Variants in RB1 observed in about 807,000 individuals in gnomAD.
RB1 encodes retinoblastoma-associated protein.
Under a neutral mutation model 135.4 loss-of-function variants are expected in RB1, and 18 were observed. The ratio of observed to expected loss-of-function variants is 0.13; its 90% confidence interval spans 0.09 to 0.20. The LOEUF is 0.20. Ranked by LOEUF, RB1 falls within the 10% of genes least tolerant of loss-of-function variation. The pLI is 1.00. For synonymous variants in RB1, 365 were observed against 373.2 expected (o/e 0.98, Z 0.25); for missense variants, 868 against 1,110.0 (o/e 0.78, Z 3.10).
At chr13:48,459,959 C>CTTTCTTTCTTTCTTTCTTTTTTTTTT (rs1949392235) in intron 20 of RB1, 126 bp downstream of exon 20, 1 of 456,568 alleles carries the variant, frequency 2.2e-6, no homozygotes, top group African/African-American at 3.9e-5. Context: ...CTTTTTCTTT[C>CTTTCTTTCTTTCTTTCTTTTTTTTTT]TTTCTTTCTC....
intron 17 of RB1, chr13:48,389,875 C>G (rs1247954182): frequency 6.6e-6 from 1 of 152,320 alleles, no homozygotes; most frequent in East Asian, 1.9e-4. Context: ...GGATATTTGG[C>G]AGGGTGCAGT....
chr13:48,375,178 G>A (rs1413738495), intron 12 of RB1, among the ~76,000 whole-genome samples: 2 of 152,062 alleles, frequency 1.3e-5, no homozygotes, highest in Admixed American at 1.3e-4. Context: ...GTGAACATAT[G>A]AGTGCATGTG....
At chr13:48,331,594 CAG>C (rs1460904280) in intron 2 of RB1, among the ~76,000 whole-genome samples, 2 of 152,126 alleles carry the variant, frequency 1.3e-5, no homozygotes, top group Non-Finnish European at 2.9e-5. Flanking sequence ...CAGAAGATAA[CAG>C]ATGTTAGAGA....
At position 48,464,958 on chromosome 13, in the gene RB1, C is replaced by CTTTTTT. The variant is rs553094345; in HGVS notation, c.2212-21_2212-16dup. ...AAATTCATTTAACAAGTAAATTTTA[C>CTTTTTT]TTTTTTTTTTTTTTTTTTTTTTTTA... On this transcript the variant is annotated intron_variant, in intron 21 of 26. Transcript: ENST00000267163. The CTTTTTT allele has an allele frequency of 5.9e-5, 49 of 832,570 alleles. 1 individual carries two copies. The highest frequency in any genetic ancestry group is 2.1e-4 in the East Asian group (4 of 19,000). 51.6% of individuals were successfully genotyped at this position (832,570 alleles called of 1,614,324 possible).
At chr13:48,398,762 A>G (rs1948667374) in intron 17 of RB1, among the ~76,000 whole-genome samples, 1 of 152,084 alleles carries the variant, frequency 6.6e-6, no homozygotes, top group Non-Finnish European at 1.5e-5. Flanking sequence ...ATATATAGTC[A>G]GGCATATGGG....
At chr13:48,422,551 G>A (rs1446617236) in intron 17 of RB1, 1 of 151,960 alleles carries the variant, frequency 6.6e-6, no homozygotes, top group African/African-American at 2.4e-5. Context: ...CTTTTTTTAG[G>A]ACTGTTGCCA....
Position 48,480,467 on chromosome 13 carries a change from A to G in RB1, c.*396A>G, listed in dbSNP as rs1949532016. The G allele has an allele frequency of 4.2e-6, 1 of 238,064 alleles. No individual in the cohort carries two copies. Among genetic ancestry groups the G allele is most frequent in the Non-Finnish European group, 8.3e-6 (1 of 120,780 alleles). The allele number at this position is 238,064 out of a possible 1,614,324, so 14.7% of individuals were successfully genotyped here. Reference sequence around the variant, plus strand: ...TTTGCTCTTGTTTTTATTAATTTATATGTATATTTTTTTAATTTAACATGA... The same window carrying G: ...TTTGCTCTTGTTTTTATTAATTTATGTGTATATTTTTTTAATTTAACATGA... On this transcript the variant is annotated 3_prime_UTR_variant, in exon 27 of 27. Coordinates refer to ENST00000267163, the MANE Select transcript of RB1 (RefSeq NM_000321.3).
At chr13:48,430,569 G>A (rs537350050) in intron 17 of RB1, among the ~76,000 whole-genome samples, 5 of 152,062 alleles carry the variant, frequency 3.3e-5, no homozygotes, top group African/African-American at 1.2e-4. Flanking sequence ...GTGAAACCCC[G>A]TCTCTACTAA....
rs1952049328 is a variant in RB1 at position 48,303,765 on chromosome 13, G to T, written c.-148G>T. The T allele has an allele frequency of 4.0e-6, 5 of 1,249,464 alleles. No individual in the cohort carries two copies. The highest frequency in any genetic ancestry group is 5.3e-6 in the Non-Finnish European group (5 of 935,742). The allele number at this position is 1,249,464 out of a possible 1,614,324, so 77.4% of individuals were successfully genotyped here. ...ACGCGGCGCTCAGTTGCCGGGCGGG[G>T]GAGGGCGCGTCCGGTTTTTCTCAGG... On this transcript the variant is annotated 5_prime_UTR_variant, in exon 1 of 27. Coordinates refer to ENST00000267163, the MANE Select transcript of RB1 (RefSeq NM_000321.3).
At chr13:48,461,919 G>A (rs995990376) in intron 20 of RB1, among the ~76,000 whole-genome samples, 4 of 151,700 alleles carry the variant, frequency 2.6e-5, no homozygotes, top group Admixed American at 6.6e-5. Context: ...GGCAATCTTC[G>A]CCTTCTGGGT....
intron 17 of RB1, among the ~76,000 whole-genome samples, chr13:48,386,240 C>G (rs1948570856): frequency 6.6e-6 from 1 of 152,268 alleles, no homozygotes; most frequent in South Asian, 2.1e-4. Context: ...GGAAATACTT[C>G]ATTTAGGCAA....
chr13:48,332,939 T>A, intron 2 of RB1: 1 of 397,614 alleles, frequency 2.5e-6, no homozygotes, highest in Non-Finnish European at 4.4e-6. Context: ...TTAGTAACAA[T>A]GACTAAGAAA....
intron 17 of RB1, among the ~76,000 whole-genome samples, chr13:48,418,875 C>T (rs763588087): frequency 2.6e-5 from 4 of 152,110 alleles, no homozygotes; most frequent in Non-Finnish European, 5.9e-5. Flanking sequence ...CAGGAGCACC[C>T]AGATTCATAA....
intron 23 of RB1, among the ~76,000 whole-genome samples, chr13:48,472,150 T>C (rs191282791): frequency 4.3e-4 from 65 of 152,310 alleles, no homozygotes; most frequent in African/African-American, 1.6e-3. Context: ...TTAGCTAGTA[T>C]AGTTAATGTA....
intron 17 of RB1, among the ~76,000 whole-genome samples, chr13:48,418,486 C>T (rs527863502): frequency 1.3e-5 from 2 of 152,200 alleles, no homozygotes; most frequent in East Asian, 3.9e-4. Context: ...AACTAATGGG[C>T]AAACTAACTG....
At chr13:48,366,466 C>T (rs1346203462) in intron 9 of RB1, among the ~76,000 whole-genome samples, 2 of 152,104 alleles carry the variant, frequency 1.3e-5, no homozygotes, top group Admixed American at 6.5e-5. Flanking sequence ...TCCTATCACT[C>T]CTTTTAAAAT....
chr13:48,317,685 C>G, intron 2 of RB1: 2 of 540,220 alleles, frequency 3.7e-6, no homozygotes, highest in Non-Finnish European at 5.6e-6. Flanking sequence ...TGGGCGGTGC[C>G]GGATCCCCTT....
chr13:48,384,683 GCTTA>G (rs140426611), intron 17 of RB1, among the ~76,000 whole-genome samples: 1,641 of 152,210 alleles, frequency 0.011, 29 homozygotes, highest in African/African-American at 0.037. Context: ...ATGAGGTGCT[GCTTA>G]CTTCTCTCCT....
chr13:48,423,831 G>A (rs993156038), intron 17 of RB1, among the ~76,000 whole-genome samples: 1 of 152,180 alleles, frequency 6.6e-6, no homozygotes, highest in Non-Finnish European at 1.5e-5. Context: ...GATCACTTAA[G>A]GCCATAGGAG....
Sources: gnomAD v4.1 joint callset for allele counts (sites outside exome capture counted in the v4.1 genomes callset) on GRCh38, gnomAD v4.1.1 for gene constraint, MANE v1.5 for transcripts, NCBI Gene and HGNC (gene_info 2026-07-23, HGNC 2026-07-21) for gene names.